EXOC1L: variants seen among roughly 807,000 people sequenced by gnomAD.
EXOC1L encodes exocyst complex component 1 like.
EXOC1L carries 10 observed loss-of-function variants against 4.9 expected under a neutral mutation model. That is an observed-to-expected ratio of 2.02 (90% confidence interval 1.25 to 3.43). EXOC1L has a LOEUF of 3.43. Among genes scored for constraint, EXOC1L ranks in the 30% most tolerant of loss-of-function variants. EXOC1L has a pLI of 0.00. For missense variants in EXOC1L, 114 were observed against 59.4 expected, an observed-to-expected ratio of 1.92 and a Z score of -3.02; for synonymous variants, 41 against 20.8, an observed-to-expected ratio of 1.97 and a Z score of -2.63.
intron 1 of EXOC1L, among the ~76,000 whole-genome samples, chr4:55,827,239 T>A (rs779402920): frequency 2.6e-5 from 4 of 152,212 alleles, no homozygotes; most frequent in Non-Finnish European, 4.4e-5. Flanking sequence ...ATGCTTTTAA[T>A]GACTTAAAAG....
chr4:55,828,425 C>A (rs372797967), intron 1 of EXOC1L, among the ~76,000 whole-genome samples: 19 of 152,156 alleles, frequency 1.2e-4, no homozygotes, highest in African/African-American at 4.3e-4. Context: ...TCTTGATTCC[C>A]ATAGCATTAC....
chr4:55,826,453 A>G (rs1719888903), intron 1 of EXOC1L, among the ~76,000 whole-genome samples: 1 of 152,230 alleles, frequency 6.6e-6, no homozygotes, highest in South Asian at 2.1e-4. Flanking sequence ...TATTAATGAC[A>G]AAGTTTATTT....
chr4:55,827,401 A>G (rs1283782645), intron 1 of EXOC1L, among the ~76,000 whole-genome samples: 2 of 152,206 alleles, frequency 1.3e-5, no homozygotes, highest in Non-Finnish European at 2.9e-5. Context: ...TCCTTCCTCC[A>G]CGTTCCTCAA....
At chr4:55,822,066 G>C (rs188316494) in intron 1 of EXOC1L, among the ~76,000 whole-genome samples, 1 of 152,316 alleles carries the variant, frequency 6.6e-6, no homozygotes. Flanking sequence ...TCAGGGAGTA[G>C]AGTCACATTA....
Position 55,836,708 on chromosome 4 carries a change from G to A in EXOC1L, c.253-377G>A, listed in dbSNP as rs7658345. 1.9e-3 allele frequency among the ~76,000 whole-genome samples: 284 copies of A among 151,892 alleles called. 5 individuals are homozygous for A. In the South Asian group the frequency reaches 0.024, roughly 13 times the overall value. ...TGAAATAGCACAAGGAACCAACCTC[G>A]TACTAAAAAGGGAGAGGAACCTTTT... On this transcript the variant is annotated intron_variant, in intron 2 of 2. Transcript: ENST00000636125.
At chr4:55,829,959 A>G (rs1719982298) in intron 1 of EXOC1L, among the ~76,000 whole-genome samples, 1 of 152,176 alleles carries the variant, frequency 6.6e-6, no homozygotes, top group Non-Finnish European at 1.5e-5. Flanking sequence ...CATGCAGTCC[A>G]CTTTCTTTGA....
At chr4:55,831,008 G>A (rs1321649433) in intron 1 of EXOC1L, among the ~76,000 whole-genome samples, 3 of 152,156 alleles carry the variant, frequency 2.0e-5, no homozygotes, top group Non-Finnish European at 4.4e-5. Flanking sequence ...CTAAGGCTAA[G>A]CCTCTTATTT....
intron 1 of EXOC1L, among the ~76,000 whole-genome samples, chr4:55,823,846 T>G (rs909102824): frequency 6.6e-6 from 1 of 152,128 alleles, no homozygotes; most frequent in Admixed American, 6.6e-5. Context: ...TACGTAATAA[T>G]TTAATATCTT....
At chr4:55,833,997 T>G (rs1015488871) in intron 2 of EXOC1L, among the ~76,000 whole-genome samples, 19 of 152,092 alleles carry the variant, frequency 1.2e-4, no homozygotes, top group African/African-American at 4.6e-4. Flanking sequence ...ACCCTGACTG[T>G]TCTGGGAATT....
Position 55,821,160 on chromosome 4 carries a change from G to T in EXOC1L, c.121+1013G>T, listed in dbSNP as rs148574536. On this transcript the variant is annotated intron_variant, in intron 1 of 2. Coordinates refer to ENST00000636125, the MANE Select transcript of EXOC1L (RefSeq NM_001351574.3). ...GAAATAGAATGTCTTTAAAGAACAT[G>T]CCAAGAATTTTTAGAATTCTGTCAT... Among the ~76,000 whole-genome samples the T allele has an allele frequency of 8.5e-4, 130 of 152,218 alleles. No homozygotes were observed. The East Asian group carries it at 0.022, about 26-fold the overall frequency.
At chr4:55,833,275 C>A (rs1720080104) in intron 2 of EXOC1L, among the ~76,000 whole-genome samples, 1 of 151,806 alleles carries the variant, frequency 6.6e-6, no homozygotes, top group Admixed American at 6.6e-5. Flanking sequence ...TTCTAAAAAT[C>A]AGCTAAATAT....
rs1225443466 is a variant in EXOC1L, at chr4:55,837,242, A to G, written c.410A>G (p.Asn137Ser). Residue 137 changes from asparagine (N) to serine (S), a missense_variant, in exon 3 of 3, where the codon AAC (asparagine) becomes AGC (serine). Asn to Ser is a conservative substitution (Grantham distance 46, BLOSUM62 1). Transcript: ENST00000636125. ...QIVNFDSTYINDDSIWSSNNK... is the reference protein window; with the variant it reads ...QIVNFDSTYISDDSIWSSNNK... Reference sequence around the variant, plus strand: ...GTGAACTTTGATTCTACATACATTAACGATGATTCCATTTGGTCCTCCAAC... The same window carrying G: ...GTGAACTTTGATTCTACATACATTAGCGATGATTCCATTTGGTCCTCCAAC... 2.9e-6 allele frequency: 2 copies of G among 701,514 alleles called. No individual in the cohort carries two copies. The highest frequency in any genetic ancestry group is 2.3e-4 in the Middle Eastern group (1 of 4,350). The allele number at this position is 701,514 out of a possible 1,614,324, so 43.5% of individuals were successfully genotyped here. A position where few individuals can be genotyped will look rare whatever the true frequency, so the allele number is the denominator to read the frequency against.
intron 1 of EXOC1L, among the ~76,000 whole-genome samples, chr4:55,829,107 C>T (rs1719960863): frequency 6.6e-6 from 1 of 152,132 alleles, no homozygotes; most frequent in Non-Finnish European, 1.5e-5. Flanking sequence ...TGTTTCCATC[C>T]AGTGCTATTT....
At chr4:55,823,009 A>T (rs1278385848) in intron 1 of EXOC1L, among the ~76,000 whole-genome samples, 6 of 151,064 alleles carry the variant, frequency 4.0e-5, no homozygotes, top group Non-Finnish European at 8.9e-5. Context: ...TAAAATTAAA[A>T]ATTGATATAT....
chr4:55,821,670 G>C (rs1719747055), intron 1 of EXOC1L, among the ~76,000 whole-genome samples: 1 of 151,912 alleles, frequency 6.6e-6, no homozygotes, highest in East Asian at 1.9e-4. Flanking sequence ...AAGTCTCCTA[G>C]ATTTAAATGT....
chr4:55,825,888 G>T, intron 1 of EXOC1L, among the ~76,000 whole-genome samples: 1 of 151,808 alleles, frequency 6.6e-6, no homozygotes, highest in East Asian at 1.9e-4. Context: ...AGTTTGAGAC[G>T]AGCCTGGCCA....
chr4:55,832,366 T>C (rs567419003), intron 2 of EXOC1L, among the ~76,000 whole-genome samples: 1 of 152,216 alleles, frequency 6.6e-6, no homozygotes, highest in Admixed American at 6.6e-5. Flanking sequence ...AGTCTTCATT[T>C]GGCCTATTGT....
At chr4:55,820,606 C>T (rs1719716151) in intron 1 of EXOC1L, among the ~76,000 whole-genome samples, 1 of 152,112 alleles carries the variant, frequency 6.6e-6, no homozygotes, top group South Asian at 2.1e-4. Context: ...AAAAACAAAG[C>T]CTTAGATTTT....
intron 2 of EXOC1L, among the ~76,000 whole-genome samples, chr4:55,834,118 T>C (rs764605609): frequency 6.6e-6 from 1 of 151,960 alleles, no homozygotes; most frequent in Non-Finnish European, 1.5e-5. Flanking sequence ...CATTATTACA[T>C]GTTTTACATT....
Sources: gnomAD v4.1 joint callset for allele counts (sites outside exome capture counted in the v4.1 genomes callset) on GRCh38, gnomAD v4.1.1 for gene constraint, MANE v1.5 for transcripts, NCBI Gene and HGNC (gene_info 2026-07-23, HGNC 2026-07-21) for gene names.